FOXO3: variants seen among roughly 807,000 people sequenced by gnomAD.
The protein encoded by FOXO3 is forkhead box protein O3.
In FOXO3, 4 loss-of-function variants were observed where a neutral mutation model predicts 41.9. The observed-to-expected ratio is 0.10, with a 90% CI of 0.05 to 0.22. The LOEUF (loss-of-function observed/expected upper bound fraction) is 0.22. Among genes scored for constraint, FOXO3 ranks in the 10% least tolerant of loss-of-function variants. The probability of loss-of-function intolerance (pLI) is 1.00; values close to 1 mark genes in which losing one functional copy is unlikely to be tolerated. For synonymous variants in FOXO3, 318 were observed against 389.3 expected, an observed-to-expected ratio of 0.82 and a Z score of 2.16; for missense variants, 534 against 906.8, an observed-to-expected ratio of 0.59 and a Z score of 5.28.
chr6:108,654,067 G>T (rs1006663049), intron 1 of FOXO3, among the ~76,000 whole-genome samples: 2 of 152,138 alleles, frequency 1.3e-5, no homozygotes, highest in African/African-American at 4.8e-5. Flanking sequence ...CTGACTGCAC[G>T]CCTTTAGATG....
intron 1 of FOXO3, among the ~76,000 whole-genome samples, chr6:108,636,489 G>A (rs1458599117): frequency 6.6e-6 from 1 of 152,110 alleles, no homozygotes; most frequent in Admixed American, 6.5e-5. Flanking sequence ...AACTGGGCTG[G>A]GGTGGGGGGT....
chr6:108,597,466 C>CT (rs1020829074), intron 1 of FOXO3, among the ~76,000 whole-genome samples: 14 of 151,196 alleles, frequency 9.3e-5, no homozygotes, highest in African/African-American at 2.2e-4. Flanking sequence ...AATGATTGTG[C>CT]TTTTTTTTTA....
At chr6:108,646,775 G>T (rs1371835594) in intron 1 of FOXO3, among the ~76,000 whole-genome samples, 1 of 152,236 alleles carries the variant, frequency 6.6e-6, no homozygotes, top group African/African-American at 2.4e-5. Flanking sequence ...TTTTATTGCA[G>T]ATGCTAACCT....
At chr6:108,630,157 C>A (rs990255853) in intron 1 of FOXO3, among the ~76,000 whole-genome samples, 17 of 152,068 alleles carry the variant, frequency 1.1e-4, no homozygotes, top group African/African-American at 4.1e-4. Context: ...AGGGGAAGAT[C>A]TGGTGGATAA....
chr6:108,561,985 C>T (rs1475132280), intron 1 of FOXO3, among the ~76,000 whole-genome samples, 156 bp downstream of exon 1: 2 of 151,826 alleles, frequency 1.3e-5, no homozygotes, highest in Admixed American at 1.3e-4. Context: ...TCTTTGATCC[C>T]CGGAGTCGGG....
chr6:108,656,990 G>T (rs74854346), intron 1 of FOXO3, among the ~76,000 whole-genome samples: 16 of 152,194 alleles, frequency 1.1e-4, no homozygotes, highest in Non-Finnish European at 1.9e-4. Flanking sequence ...ACTGTGAAAT[G>T]TGAATTCCAT....
intron 1 of FOXO3, among the ~76,000 whole-genome samples, chr6:108,605,580 A>C (rs1476906122): frequency 6.6e-6 from 1 of 152,234 alleles, no homozygotes; most frequent in East Asian, 1.9e-4. Context: ...TAGATCAATT[A>C]AAAGCTTGCC....
chr6:108,639,270 C>G (rs1159932787), intron 1 of FOXO3, among the ~76,000 whole-genome samples: 3 of 152,164 alleles, frequency 2.0e-5, no homozygotes, highest in Non-Finnish European at 4.4e-5. Context: ...AAAGCATAAT[C>G]TCTTTCCTGG....
At chr6:108,672,061 T>C (rs1779230058) in intron 2 of FOXO3, among the ~76,000 whole-genome samples, 1 of 152,200 alleles carries the variant, frequency 6.6e-6, no homozygotes, top group African/African-American at 2.4e-5. Flanking sequence ...ACCCTGCTCT[T>C]TTCAGCTGCC....
At chr6:108,599,937 A>G (rs2128366021) in intron 1 of FOXO3, among the ~76,000 whole-genome samples, 1 of 152,330 alleles carries the variant, frequency 6.6e-6, no homozygotes, top group South Asian at 2.1e-4. Context: ...ACCCACCTGC[A>G]TCTGTGTTGG....
chr6:108,658,713 C>A (rs888925482), intron 1 of FOXO3, among the ~76,000 whole-genome samples: 1 of 152,022 alleles, frequency 6.6e-6, no homozygotes, highest in Non-Finnish European at 1.5e-5. Flanking sequence ...TGTGAGCCAC[C>A]GTGCCTGGCC....
intron 2 of FOXO3, 26 bp downstream of exon 2, chr6:108,664,915 A>G: frequency 6.4e-7 from 1 of 1,571,434 alleles, no homozygotes; most frequent in South Asian, 1.2e-5. Context: ...TATGGCATAA[A>G]AATAACAATA....
intron 1 of FOXO3, among the ~76,000 whole-genome samples, chr6:108,627,403 CAAG>C (rs1270486959): frequency 1.3e-5 from 2 of 151,856 alleles, no homozygotes; most frequent in Non-Finnish European, 2.9e-5. Flanking sequence ...AACTGGTCCT[CAAG>C]AGTATCCAGT....
At chr6:108,574,435 A>G (rs1776206164) in intron 1 of FOXO3, among the ~76,000 whole-genome samples, 1 of 152,222 alleles carries the variant, frequency 6.6e-6, no homozygotes, top group Admixed American at 6.5e-5. Context: ...ATAGGCTTCA[A>G]GCACGTAGAT....
chr6:108,667,187 C>T (rs1193500308), intron 2 of FOXO3, among the ~76,000 whole-genome samples: 1 of 152,162 alleles, frequency 6.6e-6, no homozygotes, highest in African/African-American at 2.4e-5. Flanking sequence ...GGTGAAAAGA[C>T]TGTAATGGAA....
chr6:108,564,296 TG>T (rs371046844), intron 1 of FOXO3, among the ~76,000 whole-genome samples: 3 of 152,222 alleles, frequency 2.0e-5, no homozygotes, highest in African/African-American at 7.2e-5. Context: ...AACCTTTTTT[TG>T]TGTGTGCTTG....
chr6:108,566,111 T>A (rs1775940885), intron 1 of FOXO3, among the ~76,000 whole-genome samples: 1 of 152,152 alleles, frequency 6.6e-6, no homozygotes, highest in East Asian at 1.9e-4. Context: ...GAGGGACTGT[T>A]TTTCCTCTTT....
At position 108,628,477 on chromosome 6, in the gene FOXO3, T is replaced by C. The variant is rs111287986; in HGVS notation, c.622-34978T>C. Among the ~76,000 whole-genome samples the C allele has an allele frequency of 2.9e-3, 447 of 152,282 alleles. 1 individual carries two copies. Among genetic ancestry groups the C allele is most frequent in the South Asian group, 8.1e-3 (39 of 4,828 alleles). On this transcript the variant is annotated intron_variant, in intron 1 of 2. Transcript: ENST00000406360. ...AATCCACAGTAACCCATTTAAAAAA[T>C]CTTTTTCTCCACACAAGAAAAAGAA...
intron 1 of FOXO3, among the ~76,000 whole-genome samples, chr6:108,585,020 A>ATTTT (rs1562233938): frequency 1.3e-3 from 56 of 43,420 alleles, no homozygotes; most frequent in Admixed American, 1.9e-3. Context: ...TATCTCCAAA[A>ATTTT]TCTTTTTTTT....
Sources: gnomAD v4.1 joint callset for allele counts (sites outside exome capture counted in the v4.1 genomes callset) on GRCh38, gnomAD v4.1.1 for gene constraint, MANE v1.5 for transcripts, NCBI Gene and HGNC (gene_info 2026-07-23, HGNC 2026-07-21) for gene names.